ASTN2: variants seen among roughly 807,000 people sequenced by gnomAD.
ASTN2 encodes astrotactin 2, also known as astrotactin-2.
Under a neutral mutation model 139.8 loss-of-function variants are expected in ASTN2, and 54 were observed. The observed-to-expected ratio is 0.39, with a 90% confidence interval of 0.31 to 0.48. ASTN2 has a LOEUF of 0.48. Ranked by LOEUF, ASTN2 falls within the 20% of genes least tolerant of loss-of-function variation. The pLI is 0.95. For missense variants in ASTN2, 1,565 were observed against 1,725.1 expected, an observed-to-expected ratio of 0.91 and a Z score of 1.64; for synonymous variants, 756 against 719.5, an observed-to-expected ratio of 1.05 and a Z score of -0.81.
At chr9:116,926,949 GA>G (rs1465428123) in intron 10 of ASTN2, among the ~76,000 whole-genome samples, 3 of 152,176 alleles carry the variant, frequency 2.0e-5, no homozygotes, top group Non-Finnish European at 4.4e-5. Flanking sequence ...TAAGATGTAT[GA>G]AAACAAAGAT....
At chr9:116,471,112 G>A (rs898350640) in intron 20 of ASTN2, among the ~76,000 whole-genome samples, 3 of 152,118 alleles carry the variant, frequency 2.0e-5, no homozygotes, top group African/African-American at 7.2e-5. Flanking sequence ...TGTAGCTTCT[G>A]AGTGTCTTCT....
intron 16 of ASTN2, among the ~76,000 whole-genome samples, chr9:116,722,085 C>T (rs1379912473): frequency 2.6e-5 from 4 of 152,144 alleles, no homozygotes; most frequent in African/African-American, 9.7e-5. Flanking sequence ...GGTATTCCAA[C>T]CAGCCTGGAA....
intron 7 of ASTN2, among the ~76,000 whole-genome samples, chr9:116,983,781 T>C (rs1404323503): frequency 6.6e-6 from 1 of 152,198 alleles, no homozygotes; most frequent in Non-Finnish European, 1.5e-5. Flanking sequence ...TTCCCTCTTG[T>C]ACTCCTGCCT....
intron 9 of ASTN2, 63 bp downstream of exon 9, chr9:116,976,051 C>T: frequency 2.0e-6 from 3 of 1,507,248 alleles, no homozygotes; most frequent in Admixed American, 3.4e-5. Flanking sequence ...TCCATGACCA[C>T]ATCTTCCTAT....
chr9:116,919,036 C>T (rs992938639), intron 10 of ASTN2, among the ~76,000 whole-genome samples: 4 of 151,812 alleles, frequency 2.6e-5, no homozygotes, highest in African/African-American at 9.7e-5. Flanking sequence ...TTCCCTGAGC[C>T]TCAGTTTTCT....
chr9:117,269,858 C>T (rs1834022872), intron 2 of ASTN2, among the ~76,000 whole-genome samples: 1 of 152,190 alleles, frequency 6.6e-6, no homozygotes, highest in African/African-American at 2.4e-5. Flanking sequence ...TCTTTATCTA[C>T]TGTCCCAATG....
chr9:116,502,726 GGAAGGAATGAAT>G (rs879262210), intron 19 of ASTN2, among the ~76,000 whole-genome samples: 5,341 of 33,654 alleles, frequency 0.16, 405 homozygotes, highest in Admixed American at 0.33. Flanking sequence ...AAGGAAGGAA[GGAAGGAATGAAT>G]GAATGAATGA....
chr9:116,936,182 C>T, intron 10 of ASTN2, among the ~76,000 whole-genome samples: 1 of 135,836 alleles, frequency 7.4e-6, no homozygotes, highest in African/African-American at 2.8e-5. Context: ...AACACCATCG[C>T]CACCACCAGT....
chr9:116,605,197 A>T (rs7855974), intron 19 of ASTN2, among the ~76,000 whole-genome samples: 2 of 151,994 alleles, frequency 1.3e-5, no homozygotes, highest in African/African-American at 4.8e-5. Context: ...AGGAAGCAAG[A>T]GTGATACTGA....
intron 2 of ASTN2, among the ~76,000 whole-genome samples, chr9:117,287,461 T>C (rs776292288): frequency 6.6e-6 from 1 of 152,232 alleles, no homozygotes; most frequent in East Asian, 1.9e-4. Flanking sequence ...ATTAAGGGCA[T>C]AGTTTCTGAA....
intron 14 of ASTN2, among the ~76,000 whole-genome samples, chr9:116,732,804 G>A (rs1828823536): frequency 6.6e-6 from 1 of 152,214 alleles, no homozygotes; most frequent in South Asian, 2.1e-4. Context: ...AAGACTTGGT[G>A]CTACAGCACC....
chr9:116,989,586 G>GTTT (rs56128640), intron 7 of ASTN2, among the ~76,000 whole-genome samples: 115 of 137,280 alleles, frequency 8.4e-4, no homozygotes, highest in African/African-American at 2.0e-3. Context: ...TTATATTTGG[G>GTTT]TTTTTTTTTT....
At chr9:117,094,115 A>AGAGG (rs1403073446) in intron 5 of ASTN2, among the ~76,000 whole-genome samples, 1 of 101,804 alleles carries the variant, frequency 9.8e-6, no homozygotes, top group Non-Finnish European at 1.8e-5. Context: ...AAGGAGGGAG[A>AGAGG]GAGGGAGGGA....
chr9:116,439,194 A>ATTTTTTTTTTTTTTT lies in ASTN2; in HGVS notation c.3782+1400_3782+1414dup, dbSNP rs1016270368. 3.6e-3 allele frequency among the ~76,000 whole-genome samples: 204 copies of ATTTTTTTTTTTTTTT among 56,688 alleles called. 15 individuals carry two copies. The highest frequency in any genetic ancestry group is 7.8e-3 in the African/African-American group (101 of 12,902). 37.2% of individuals were successfully genotyped at this position (56,688 alleles called of 152,430 possible). A position where few individuals can be genotyped will look rare whatever the true frequency, so the allele number is the denominator to read the frequency against. Reference sequence around the variant, plus strand: ...GATGTTGTGTTTTCTATTCAAATACATTTTTTTTTTTTTTTTTTTTTTTTG... The same window carrying ATTTTTTTTTTTTTTT: ...GATGTTGTGTTTTCTATTCAAATACATTTTTTTTTTTTTTTTTTTTTTTTTTTTTTTTTTTTTTTG... On this transcript the variant is annotated intron_variant, in intron 22 of 22. Transcript: ENST00000313400.
chr9:117,086,351 G>A (rs529311955), intron 5 of ASTN2, among the ~76,000 whole-genome samples: 1 of 152,250 alleles, frequency 6.6e-6, no homozygotes, highest in East Asian at 1.9e-4. Flanking sequence ...GAGGCAGGCG[G>A]ATCACAAGGT....
At chr9:117,113,993 T>C (rs1829314370) in intron 4 of ASTN2, among the ~76,000 whole-genome samples, 1 of 152,090 alleles carries the variant, frequency 6.6e-6, no homozygotes. Context: ...TGTAAACAAG[T>C]TATACTTTAA....
chr9:116,531,327 C>A (rs1454307304), intron 19 of ASTN2, among the ~76,000 whole-genome samples: 1 of 152,170 alleles, frequency 6.6e-6, no homozygotes, highest in Non-Finnish European at 1.5e-5. Flanking sequence ...TTCTAAAGTT[C>A]TTTTGACATA....
chr9:117,175,485 C>T (rs2132934694), intron 3 of ASTN2, among the ~76,000 whole-genome samples: 1 of 152,172 alleles, frequency 6.6e-6, no homozygotes, highest in Non-Finnish European at 1.5e-5. Flanking sequence ...ATAGCTAAGA[C>T]ATTTACAGAA....
intron 6 of ASTN2, 133 bp downstream of exon 6, chr9:117,039,686 A>T: frequency 1.1e-6 from 1 of 913,156 alleles, no homozygotes; most frequent in Non-Finnish European, 1.5e-6. Flanking sequence ...CAAGGTCTTT[A>T]GATGCTCCTT....
Sources: gnomAD v4.1 joint callset for allele counts (sites outside exome capture counted in the v4.1 genomes callset) on GRCh38, gnomAD v4.1.1 for gene constraint, MANE v1.5 for transcripts, NCBI Gene and HGNC (gene_info 2026-07-23, HGNC 2026-07-21) for gene names.